MEGF11: variants seen among roughly 807,000 people sequenced by gnomAD.
MEGF11 encodes multiple EGF like domains 11, also known as multiple epidermal growth factor-like domains protein 11.
A neutral mutation model predicts 146.6 loss-of-function variants in MEGF11; 126 were observed. The ratio of observed to expected loss-of-function variants is 0.86; its 90% CI spans 0.74 to 1.00. The LOEUF (loss-of-function observed/expected upper bound fraction) is 1.00, where lower values mean the gene tolerates loss of function less well. MEGF11 is among the 50% of genes least tolerant of loss of function. The pLI is 0.00. For synonymous variants in MEGF11, 532 were observed against 583.4 expected (o/e 0.91, Z 1.27); for missense variants, 1,509 against 1,521.2 (o/e 0.99, Z 0.13).
intron 5 of MEGF11, among the ~76,000 whole-genome samples, chr15:66,052,778 C>A (rs2084506506): frequency 1.3e-5 from 2 of 152,196 alleles, no homozygotes; most frequent in South Asian, 4.1e-4. Flanking sequence ...AACAACTAAA[C>A]CATGTTAGAA....
chr15:66,238,974 C>T (rs10152957), intron 1 of MEGF11, among the ~76,000 whole-genome samples: 40,241 of 152,142 alleles, frequency 0.26, 6,286 homozygotes, highest in Middle Eastern at 0.39. Context: ...CACTGCTGTA[C>T]GCCCAACAGC....
At chr15:65,993,691 G>A (rs545490386) in intron 5 of MEGF11, among the ~76,000 whole-genome samples, 2 of 152,308 alleles carry the variant, frequency 1.3e-5, no homozygotes, top group Admixed American at 1.3e-4. Context: ...GGGGAATTTG[G>A]TGATGCTTTC....
intron 7 of MEGF11, among the ~76,000 whole-genome samples, chr15:65,973,310 A>C (rs1263099454): frequency 6.6e-6 from 1 of 152,226 alleles, no homozygotes; most frequent in Non-Finnish European, 1.5e-5. Flanking sequence ...ACAGGCTTCT[A>C]AGAAACTTGC....
intron 10 of MEGF11, among the ~76,000 whole-genome samples, chr15:65,943,695 TTGG>T (rs1337910798): frequency 6.6e-6 from 1 of 152,146 alleles, no homozygotes; most frequent in African/African-American, 2.4e-5. Flanking sequence ...GTGATATGTA[TTGG>T]TGGTGTGACA....
chr15:66,162,586 G>C (rs546763760), intron 1 of MEGF11, among the ~76,000 whole-genome samples: 1 of 152,254 alleles, frequency 6.6e-6, no homozygotes, highest in East Asian at 1.9e-4. Flanking sequence ...GTAATCTGTG[G>C]TGATAGAAAA....
At chr15:66,048,508 C>T (rs920470956) in intron 5 of MEGF11, among the ~76,000 whole-genome samples, 2 of 152,268 alleles carry the variant, frequency 1.3e-5, no homozygotes, top group Non-Finnish European at 2.9e-5. Context: ...AGCAAGTCTG[C>T]TTCTGAACCC....
At chr15:65,957,767 C>T in intron 9 of MEGF11, 46 bp from the exon 10 acceptor site, 2 of 1,591,650 alleles carry the variant, frequency 1.3e-6, no homozygotes, top group Non-Finnish European at 1.7e-6. Flanking sequence ...TTCTGGGAAG[C>T]AGCCATGTCC....
At chr15:66,208,620 G>A (rs752267970) in intron 1 of MEGF11, among the ~76,000 whole-genome samples, 1 of 152,202 alleles carries the variant, frequency 6.6e-6, no homozygotes, top group African/African-American at 2.4e-5. Context: ...GGCAGCTCAT[G>A]CCTGTAATCT....
intron 1 of MEGF11, among the ~76,000 whole-genome samples, chr15:66,253,316 T>C (rs1255009953): frequency 6.6e-6 from 1 of 152,172 alleles, no homozygotes; most frequent in African/African-American, 2.4e-5. Context: ...CCGCGGACGC[T>C]GCATCCCGAC....
chr15:66,014,779 G>T (rs73481653), intron 5 of MEGF11, among the ~76,000 whole-genome samples: 2,311 of 152,248 alleles, frequency 0.015, 25 homozygotes, highest in African/African-American at 0.03. Flanking sequence ...CCTGTTACCA[G>T]CACTGCACCT....
intron 4 of MEGF11, among the ~76,000 whole-genome samples, chr15:66,114,521 G>C (rs1213198469): frequency 6.6e-6 from 1 of 152,234 alleles, no homozygotes; most frequent in African/African-American, 2.4e-5. Flanking sequence ...TCAAAGAACA[G>C]AGCTTCCCAA....
At chr15:66,100,497 C>G (rs1351625912) in intron 4 of MEGF11, among the ~76,000 whole-genome samples, 1 of 152,220 alleles carries the variant, frequency 6.6e-6, no homozygotes, top group Non-Finnish European at 1.5e-5. Flanking sequence ...TGCTACTTCC[C>G]GGTTGCAAGC....
intron 10 of MEGF11, among the ~76,000 whole-genome samples, chr15:65,947,160 A>G (rs2080224112): frequency 6.6e-6 from 1 of 152,110 alleles, no homozygotes; most frequent in South Asian, 2.1e-4. Flanking sequence ...TTTTCCAGAC[A>G]TAATCACATC....
At chr15:66,214,867 T>G (rs1474105177) in intron 1 of MEGF11, among the ~76,000 whole-genome samples, 2 of 149,302 alleles carry the variant, frequency 1.3e-5, no homozygotes, top group African/African-American at 2.5e-5. Flanking sequence ...TGAGTGTGTG[T>G]GGAAAGAAGA....
At chr15:65,898,979 C>A (rs750368206) in intron 24 of MEGF11, 45 bp from the exon 25 acceptor site, 10 of 1,595,154 alleles carry the variant, frequency 6.3e-6, no homozygotes, top group Non-Finnish European at 4.3e-6. Context: ...GAATACAAGT[C>A]TTCATGTTAA....
chr15:66,027,498 T>C (rs2140216210), intron 5 of MEGF11, among the ~76,000 whole-genome samples: 1 of 152,328 alleles, frequency 6.6e-6, no homozygotes, highest in South Asian at 2.1e-4. Context: ...GGGTGCCCCA[T>C]GCATTCTTCC....
chr15:66,046,974 G>A (rs1267518859), intron 5 of MEGF11, among the ~76,000 whole-genome samples: 1 of 152,204 alleles, frequency 6.6e-6, no homozygotes, highest in Non-Finnish European at 1.5e-5. Context: ...GCTCTTTCAG[G>A]AAGTGATATT....
At chr15:66,085,974 T>C (rs2086091776) in intron 5 of MEGF11, among the ~76,000 whole-genome samples, 1 of 151,974 alleles carries the variant, frequency 6.6e-6, no homozygotes, top group African/African-American at 2.4e-5. Context: ...GAAAACACAA[T>C]AAAAAATTCA....
chr15:66,183,639 A>G (rs2141161319), intron 1 of MEGF11, among the ~76,000 whole-genome samples: 1 of 152,202 alleles, frequency 6.6e-6, no homozygotes, highest in African/African-American at 2.4e-5. Context: ...AACTGACTCA[A>G]CTCCCTCCAC....
Sources: allele counts gnomAD v4.1 joint callset (sites outside exome capture counted in the v4.1 genomes callset), GRCh38; gene constraint gnomAD v4.1.1; transcripts MANE v1.5; gene names NCBI Gene and HGNC (gene_info 2026-07-23, HGNC 2026-07-21).